The following ZNF777 variants were observed in gnomAD, a reference collection of about 807,000 sequenced individuals.
ZNF777 encodes the protein zinc finger protein 777.
A neutral mutation model predicts 72.1 loss-of-function variants in ZNF777; 7 were observed. The observed-to-expected ratio is 0.10, with a 90% CI of 0.06 to 0.18. The LOEUF (loss-of-function observed/expected upper bound fraction) is 0.18. ZNF777 is among the 10% of genes least tolerant of loss of function. The pLI is 1.00. For missense variants in ZNF777, 828 were observed against 1,128.6 expected, an observed-to-expected ratio of 0.73 and a Z score of 3.82; for synonymous variants, 545 against 483.5, an observed-to-expected ratio of 1.13 and a Z score of -1.67.
intron 4 of ZNF777, among the ~76,000 whole-genome samples, chr7:149,448,485 C>CTATATATATATATATATATATATA (rs61005836): frequency 1.2e-4 from 13 of 104,608 alleles, no homozygotes; most frequent in African/African-American, 4.6e-4. Flanking sequence ...CAAAACAAAA[C>CTATATATATATATATATATATATA]TATATATATA....
chr7:149,432,095 T>C lies in ZNF777; in HGVS notation c.2177A>G (p.Glu726Gly), dbSNP rs773469974. 1 of 1,605,768 alleles carries C rather than the reference T, an allele frequency of 6.2e-7. No individual in the cohort carries two copies. Among genetic ancestry groups the C allele is most frequent in the Non-Finnish European group, 8.5e-7 (1 of 1,179,908 alleles). Residue 726 changes from glutamate to glycine, a missense_variant, in exon 6 of 6, where the codon GAG becomes GGG. By Grantham distance (98) the Glu-to-Gly change is moderately conservative. Transcript: ENST00000247930. Reference sequence around the variant, plus strand: ...CTTCTCGCTGAAGCTCTTCTCGCACTCGGGGCACTTGAAGGGCCGCTCGCC... The same window carrying C: ...CTTCTCGCTGAAGCTCTTCTCGCACCCGGGGCACTTGAAGGGCCGCTCGCC... ...HTGERPFKCP[E>G]CEKSFSEKSK...
At chr7:149,438,122 G>A (rs968981648) in intron 4 of ZNF777, among the ~76,000 whole-genome samples, 10 of 151,798 alleles carry the variant, frequency 6.6e-5, no homozygotes, top group South Asian at 6.2e-4. Context: ...CTCGTGATCC[G>A]CCCGCCTCAG....
chr7:149,432,401 G>T lies in ZNF777; in HGVS notation c.1871C>A (p.Pro624His), dbSNP rs1799326727. The T allele has an allele frequency of 6.2e-7, 1 of 1,613,524 alleles. No individual in the cohort carries two copies. Among genetic ancestry groups the T allele is most frequent in the African/African-American group, 1.3e-5 (1 of 75,068 alleles). Reference protein sequence around the residue: ...KHALKPRPKSPSSGSGGGGPK... With the variant: ...KHALKPRPKSHSSGSGGGGPK... ...GCCACCGCCGCCGCTACCAGAGCTG[G>T]GTGACTTGGGACGCGGCTTGAGCGC... The change falls in exon 6 of 6, where the codon CCC becomes CAC. Residue 624 changes from proline to histidine, a missense_variant. By Grantham distance (77) the Pro-to-His change is moderately conservative. Transcript: ENST00000247930.
chr7:149,438,807 T>C (rs1353746238), intron 4 of ZNF777, among the ~76,000 whole-genome samples: 1 of 152,160 alleles, frequency 6.6e-6, no homozygotes, highest in Non-Finnish European at 1.5e-5. Flanking sequence ...CTAAGCTGGA[T>C]TCCTTCGGAT....
Position 149,432,219 on chromosome 7 carries a change from C to T in ZNF777, c.2053G>A (p.Val685Met), listed in dbSNP as rs1265208723. The T allele has an allele frequency of 3.1e-6, 5 of 1,606,382 alleles. No homozygotes were observed. The highest frequency in any genetic ancestry group is 3.4e-6 in the Non-Finnish European group (4 of 1,179,706). ...GAGACCTCATGCTTGCCCGCGTGCA[C>T]GCGCTGATGGATCACCAAGCTGATG... ...LHISLVIHQRVHAGKHEVSFI... is the reference protein window; with the variant it reads ...LHISLVIHQRMHAGKHEVSFI... The change falls in exon 6 of 6, where the codon GTG becomes ATG. Residue 685 changes from valine to methionine, a missense_variant. Coordinates refer to ENST00000247930, the MANE Select transcript of ZNF777 (RefSeq NM_015694.3).
intron 5 of ZNF777, among the ~76,000 whole-genome samples, chr7:149,435,728 A>G (rs1799398753): frequency 6.6e-6 from 1 of 152,198 alleles, no homozygotes; most frequent in South Asian, 2.1e-4. Context: ...GGTTCTACCA[A>G]TTTTTCAAGG....
chr7:149,456,127 G>T (rs1799826311), intron 1 of ZNF777, 90 bp from the exon 2 acceptor site: 1 of 1,417,762 alleles, frequency 7.1e-7, no homozygotes, highest in Admixed American at 2.5e-5. Flanking sequence ...CACATAAAAA[G>T]TGCTTCCGTT....
In ZNF777 at chr7:149,455,270, C is replaced by T; in HGVS notation, c.753G>A (p.Leu251=). The T allele has an allele frequency of 6.2e-7, 1 of 1,614,244 alleles. No homozygotes were observed. Residue 251 remains leucine, a synonymous_variant, in exon 2 of 6, where the codon CTG becomes CTA. Transcript: ENST00000247930. This position sits in a 1 kb window ranked among gnomAD's most constrained non-coding sequence, Gnocchi z 4.2. ...TCTCCATGTTCTCCAGCCGCCTCTG[C>T]AGCAGCCCATACTCCTGCAGCAGGG... ...LGTLLQEYGL[L]QRRLENMENL...
chr7:149,437,087 T>C (rs575738422), intron 4 of ZNF777, among the ~76,000 whole-genome samples: 1 of 152,088 alleles, frequency 6.6e-6, no homozygotes, highest in Non-Finnish European at 1.5e-5. Flanking sequence ...AAAAAAAATA[T>C]TCAGCATTGT....
rs1200175145 is a variant in ZNF777, at chr7:149,436,201, T to C, written c.1339+374A>G. ...CCAGGGCTGAAATCTTCAAGGTAGT[T>C]GAGGCTTCTAGGGTGATATGAGATG... On this transcript the variant is annotated intron_variant, in intron 5 of 5. Transcript: ENST00000247930. This position sits in a 1 kb window ranked among gnomAD's most constrained non-coding sequence, Gnocchi z 5.0. Among the ~76,000 whole-genome samples the C allele has an allele frequency of 6.6e-6, 1 of 152,184 alleles. No individual in the cohort carries two copies. The highest frequency in any genetic ancestry group is 2.4e-5 in the African/African-American group (1 of 41,428).
chr7:149,452,031 C>T (rs1051299393), intron 3 of ZNF777, among the ~76,000 whole-genome samples: 5 of 151,912 alleles, frequency 3.3e-5, no homozygotes, highest in South Asian at 2.1e-4. Flanking sequence ...TTTGGGAGGC[C>T]GAGGCGGGCG....
At chr7:149,444,974 C>CT (rs1378722682) in intron 4 of ZNF777, among the ~76,000 whole-genome samples, 2 of 152,150 alleles carry the variant, frequency 1.3e-5, no homozygotes, top group African/African-American at 2.4e-5. Context: ...TTCTGCTACT[C>CT]TTTTTCTGGA....
rs1799816960 is a variant in ZNF777, at chr7:149,455,796, T to C, written c.227A>G (p.Gln76Arg). 6.2e-7 allele frequency: 1 copy of C among 1,611,958 alleles called. No individual in the cohort carries two copies. Among genetic ancestry groups the C allele is most frequent in the Admixed American group, 1.7e-5 (1 of 59,896 alleles). ...AGAACACAGGAGTGAGGGTCCCTTC[T>C]GGAGCACATGTGGCATCCGGCCAGA... ...ETSGRMPHVL[Q>R]KGPSLLCSAA... Residue 76 changes from glutamine (Q) to arginine (R), a missense_variant, in exon 2 of 6, where the codon CAG becomes CGG. Physicochemically the swap from Gln to Arg is conservative, Grantham distance 43 (BLOSUM62 1). Transcript: ENST00000247930. The surrounding 1 kb of genome is among the most constrained non-coding windows in gnomAD (Gnocchi z 4.2).
intron 5 of ZNF777, among the ~76,000 whole-genome samples, chr7:149,433,803 C>T (rs1366561490): frequency 1.3e-5 from 2 of 152,216 alleles, no homozygotes; most frequent in Non-Finnish European, 2.9e-5. Flanking sequence ...CTAGCCTGGT[C>T]CTTTATGATA....
rs75662620 is a variant in ZNF777 at position 149,440,242 on chromosome 7, G to A, written c.1088-3416C>T. On this transcript the variant is annotated intron_variant, in intron 4 of 5. Transcript: ENST00000247930. ...GAGAACTTGCCATCCAGGCCCCAGA[G>A]TGACACGCTGCAGGACATGTATCTT... 7.6e-3 allele frequency among the ~76,000 whole-genome samples: 1,161 copies of A among 152,308 alleles called. 32 individuals carry two copies. The highest frequency in any genetic ancestry group is 0.039 in the Admixed American group (602 of 15,304).
At position 149,455,770 on chromosome 7, in the gene ZNF777, C is replaced by G. The variant is rs1294685250; in HGVS notation, c.253G>C (p.Ala85Pro). Reference protein sequence around the residue: ...LQKGPSLLCSAASEQETSLQG... With the variant: ...LQKGPSLLCSPASEQETSLQG... ...AGAGAAGTCTCTTGCTCAGAAGCGG[C>G]AGAACACAGGAGTGAGGGTCCCTTC... The change falls in exon 2 of 6, where the codon GCC (alanine) becomes CCC (proline). Residue 85 changes from alanine (A) to proline (P), a missense_variant. By Grantham distance (27) the Ala-to-Pro change is conservative. This residue lies in a region of ZNF777 where 222 missense variants were observed against 211.2 expected (regional missense o/e 1.05). Coordinates refer to ENST00000247930, the MANE Select transcript of ZNF777 (RefSeq NM_015694.3). The surrounding 1 kb of genome is among the most constrained non-coding windows in gnomAD (Gnocchi z 4.2). The G allele has an allele frequency of 6.2e-7, 1 of 1,603,326 alleles. No individual in the cohort carries two copies. Among genetic ancestry groups the G allele is most frequent in the African/African-American group, 1.3e-5 (1 of 74,532 alleles).
chr7:149,457,380 G>A (rs1013128044), intron 1 of ZNF777, among the ~76,000 whole-genome samples: 15 of 152,108 alleles, frequency 9.9e-5, no homozygotes, highest in African/African-American at 3.6e-4. Context: ...ATATCCAAGT[G>A]GTCTTTAATT....
chr7:149,432,929 C>A lies in ZNF777; in HGVS notation c.1343G>T (p.Gly448Val). 6.8e-7 allele frequency: 1 copy of A among 1,470,260 alleles called. No individual in the cohort carries two copies. The allele number at this position is 1,470,260 out of a possible 1,614,324, so 91.1% of individuals were successfully genotyped here. ...MLVQQRNCTEGIVIKTEEQDE... is the reference protein window; with the variant it reads ...MLVQQRNCTEVIVIKTEEQDE... Reference sequence around the variant, plus strand: ...TTGTTCCTCTGTCTTGATCACGATCCCCTCTGCTCCAGGGACAGAGAGAGA... The same window carrying A: ...TTGTTCCTCTGTCTTGATCACGATCACCTCTGCTCCAGGGACAGAGAGAGA... Residue 448 changes from glycine to valine, a missense_variant, in exon 6 of 6, where the codon GGG (glycine) becomes GTG (valine). Physicochemically the swap from Gly to Val is moderately radical, Grantham distance 109 (BLOSUM62 -3). Transcript: ENST00000247930.
At chr7:149,444,917 T>C (rs1177644071) in intron 4 of ZNF777, among the ~76,000 whole-genome samples, 2 of 152,252 alleles carry the variant, frequency 1.3e-5, no homozygotes, top group African/African-American at 4.8e-5. Context: ...ACGGCTTTAA[T>C]TGGCGGGACC....
Sources: allele counts gnomAD v4.1 joint callset (sites outside exome capture counted in the v4.1 genomes callset), GRCh38; gene constraint gnomAD v4.1.1; regional missense constraint gnomAD v4.1.1; non-coding constraint Gnocchi (gnomAD v3.1); transcripts MANE v1.5; gene names NCBI Gene and HGNC (gene_info 2026-07-23, HGNC 2026-07-21).